The following TMEM184C variants were observed in gnomAD, a reference collection of about 807,000 sequenced individuals.
TMEM184C encodes transmembrane protein 34.
TMEM184C carries 25 observed loss-of-function variants against 54.5 expected under a neutral mutation model. The observed-to-expected ratio is 0.46, with a 90% confidence interval of 0.33 to 0.64. The LOEUF (loss-of-function observed/expected upper bound fraction) is 0.64. TMEM184C is among the 30% of genes least tolerant of loss of function. The probability of loss-of-function intolerance (pLI) is 0.02; values close to 1 mark genes in which losing one functional copy is unlikely to be tolerated. For synonymous variants in TMEM184C, 148 were observed against 181.5 expected (o/e 0.82, Z 1.49); for missense variants, 335 against 520.3 (o/e 0.64, Z 3.46).
At position 147,617,870 on chromosome 4, in the gene TMEM184C, T is replaced by G. The variant is rs1732627528; in HGVS notation, c.-87T>G. ...AGCTTTTTCTCCGTAGTATGCGAGTTGACAAAACAGCCAGAGAACAGGGCT... is the reference window on the plus strand; with the variant it reads ...AGCTTTTTCTCCGTAGTATGCGAGTGGACAAAACAGCCAGAGAACAGGGCT... On this transcript the variant is annotated 5_prime_UTR_variant, in exon 1 of 10. Transcript: ENST00000296582. 6.3e-7 allele frequency: 1 copy of G among 1,585,548 alleles called. No homozygotes were observed. Among genetic ancestry groups the G allele is most frequent in the African/African-American group, 1.3e-5 (1 of 74,246 alleles).
Position 147,635,561 on chromosome 4 carries a change from A to AGAT in TMEM184C, c.*1130_*1132dup, listed in dbSNP as rs1477912486. 1.3e-5 allele frequency: 2 copies of AGAT among 152,252 alleles called. No homozygotes were observed. Among genetic ancestry groups the AGAT allele is most frequent in the African/African-American group, 2.4e-5 (1 of 41,472 alleles). The allele number at this position is 152,252 out of a possible 1,614,324, so 9.4% of individuals were successfully genotyped here. ...TGCCATAGTATGTTACAGAAAGCAA[A>AGAT]GATGAGTATTGTTTCTCAAAGCCTT... On this transcript the variant is annotated 3_prime_UTR_variant, in exon 10 of 10. Transcript: ENST00000296582.
intron 2 of TMEM184C, 28 bp downstream of exon 2, chr4:147,623,992 A>G (rs761333630): frequency 6.2e-7 from 1 of 1,612,948 alleles, no homozygotes; most frequent in Non-Finnish European, 8.5e-7. Context: ...TGATTCCACT[A>G]CTGTTGTGTT....
In TMEM184C at chr4:147,635,636, G is replaced by T. The variant is rs188156530; in HGVS notation, c.*1202G>T. Reference sequence around the variant, plus strand: ...TCATTCATATCTATCTATATATATAGAGAGAGATAGTGGTTCACAGTAATC... The same window carrying T: ...TCATTCATATCTATCTATATATATATAGAGAGATAGTGGTTCACAGTAATC... On this transcript the variant is annotated 3_prime_UTR_variant, in exon 10 of 10. Transcript: ENST00000296582. 2.6e-5 allele frequency: 4 copies of T among 151,982 alleles called. No individual in the cohort carries two copies. The highest frequency in any genetic ancestry group is 4.4e-5 in the Non-Finnish European group (3 of 67,962). 9.4% of individuals were successfully genotyped at this position (151,982 alleles called of 1,614,324 possible). A position where few individuals can be genotyped will look rare whatever the true frequency, so the allele number is the denominator to read the frequency against.
rs1732783514 is a variant in TMEM184C at position 147,624,832 on chromosome 4, C to A, written c.320C>A (p.Ala107Glu). The change falls in exon 4 of 10, where the codon GCA (alanine) becomes GAA (glutamate). Residue 107 changes from alanine to glutamate, a missense_variant. Transcript: ENST00000296582. ...ATAGCTTTGAAATATCCCGGAATTG[C>A]AATATATGTGGATACCTGCAGAGAA... ...SWIALKYPGI[A>E]IYVDTCRECY... 1 of 1,613,684 alleles carries A rather than the reference C, an allele frequency of 6.2e-7. No homozygotes were observed.
intron 4 of TMEM184C, among the ~76,000 whole-genome samples, chr4:147,626,268 C>T (rs1404743027): frequency 6.6e-6 from 1 of 152,158 alleles, no homozygotes; most frequent in Non-Finnish European, 1.5e-5. Flanking sequence ...TGCTTTGGGG[C>T]AGGGCTATTT....
intron 7 of TMEM184C, among the ~76,000 whole-genome samples, chr4:147,631,743 TA>T (rs1343532515): frequency 2.0e-5 from 3 of 152,190 alleles, no homozygotes; most frequent in Non-Finnish European, 4.4e-5. Flanking sequence ...AATACTAGAA[TA>T]ATTATTAAAA....
At chr4:147,630,821 T>A (rs941008044) in intron 6 of TMEM184C, among the ~76,000 whole-genome samples, 2 of 152,090 alleles carry the variant, frequency 1.3e-5, no homozygotes, top group African/African-American at 4.8e-5. Flanking sequence ...TTCAGGAAAA[T>A]GTTTATTGTT....
chr4:147,628,480 A>T (rs1157235066), intron 5 of TMEM184C, 45 bp downstream of exon 5: 1 of 1,495,654 alleles, frequency 6.7e-7, no homozygotes, highest in Non-Finnish European at 9.3e-7. Context: ...CATCCTTGTG[A>T]TCTTATGTGG....
intron 5 of TMEM184C, among the ~76,000 whole-genome samples, chr4:147,628,912 C>T (rs1732861917): frequency 6.6e-6 from 1 of 152,068 alleles, no homozygotes; most frequent in East Asian, 1.9e-4. Flanking sequence ...AAACTATTCC[C>T]TAAAAATTCA....
chr4:147,635,467 T>TTCTC lies in TMEM184C; in HGVS notation c.*1035_*1038dup, dbSNP rs1733006470. 2 of 152,186 alleles carry TTCTC rather than the reference T, an allele frequency of 1.3e-5. No homozygotes were observed. Among genetic ancestry groups the TTCTC allele is most frequent in the Admixed American group, 1.3e-4 (2 of 15,284 alleles). The allele number at this position is 152,186 out of a possible 1,614,324, so 9.4% of individuals were successfully genotyped here. A position where few individuals can be genotyped will look rare whatever the true frequency, so the allele number is the denominator to read the frequency against. ...AACTTTTTATTACCTAGGATGGGGT[T>TTCTC]TCTCTAATTGCTAATCACAACCCCA... On this transcript the variant is annotated 3_prime_UTR_variant, in exon 10 of 10. Coordinates refer to ENST00000296582, the MANE Select transcript of TMEM184C (RefSeq NM_018241.3).
chr4:147,625,625 G>C (rs1246109493), intron 4 of TMEM184C, among the ~76,000 whole-genome samples: 1 of 152,196 alleles, frequency 6.6e-6, no homozygotes, highest in Non-Finnish European at 1.5e-5. Flanking sequence ...GAAGATTCCA[G>C]AGATGGAGAA....
At chr4:147,624,138 GT>G in intron 3 of TMEM184C, 40 bp downstream of exon 3, 1 of 1,507,152 alleles carries the variant, frequency 6.6e-7, no homozygotes, top group Non-Finnish European at 9.1e-7. Context: ...CTAAGGACTT[GT>G]TTGATGATAC....
At chr4:147,620,113 TTCCTTTATG>T (rs1732681421) in intron 1 of TMEM184C, among the ~76,000 whole-genome samples, 1 of 152,226 alleles carries the variant, frequency 6.6e-6, no homozygotes, top group African/African-American at 2.4e-5. Flanking sequence ...ATTATTCTCA[TTCCTTTATG>T]TTCTTCAGGT....
chr4:147,629,609 C>CAA lies in TMEM184C; in HGVS notation c.583_584insAA (p.Leu195GlnfsTer22). 1 of 1,590,954 alleles carries CAA rather than the reference C, an allele frequency of 6.3e-7. No homozygotes were observed. Among genetic ancestry groups the CAA allele is most frequent in the Non-Finnish European group, 8.5e-7 (1 of 1,170,934 alleles). Reference sequence around the variant, plus strand: ...TTTTACTATTTTTAGAATCTGTGAGCTGCTTGGTATATATGACGAAGGGAA... The same window carrying CAA: ...TTTTACTATTTTTAGAATCTGTGAGCAATGCTTGGTATATATGACGAAGGGAA... On this transcript the variant is annotated frameshift_variant, in exon 6 of 10. Transcript: ENST00000296582. LOFTEE classifies it high-confidence loss of function.
intron 1 of TMEM184C, 76 bp from the exon 2 acceptor site, chr4:147,623,758 A>G (rs1353547839): frequency 1.4e-6 from 2 of 1,442,858 alleles, no homozygotes; most frequent in South Asian, 2.4e-5. Context: ...GATTATAGGC[A>G]CAAGGCACTG....
intron 9 of TMEM184C, 67 bp downstream of exon 9, chr4:147,634,003 AATTT>A: frequency 6.5e-7 from 1 of 1,549,960 alleles, no homozygotes; most frequent in Non-Finnish European, 8.7e-7. Flanking sequence ...CTACTAGGGC[AATTT>A]ATTATCTATT....
At chr4:147,619,117 C>T (rs1384820726) in intron 1 of TMEM184C, among the ~76,000 whole-genome samples, 1 of 152,286 alleles carries the variant, frequency 6.6e-6, no homozygotes, top group East Asian at 1.9e-4. Context: ...GATCTGTCCT[C>T]GGCCTCCCAG....
rs1031956884 is a variant in TMEM184C at position 147,617,657 on chromosome 4, T to A, written c.-300T>A. The stretch of plus-strand genomic sequence containing the variant: ...GGCAGAGCTCAGGGCGATCCCCAGG[T>A]GAGGGCAGCGGCTCTGCCTGGGATT... On this transcript the variant is annotated 5_prime_UTR_variant, in exon 1 of 10. An upstream open reading frame in the 5' UTR loses its in-frame stop. Coordinates refer to ENST00000296582, the MANE Select transcript of TMEM184C (RefSeq NM_018241.3). 3 of 360,000 alleles carry A rather than the reference T, an allele frequency of 8.3e-6. No homozygotes were observed. Among genetic ancestry groups the A allele is most frequent in the African/African-American group, 6.3e-5 (3 of 47,616 alleles). 22.3% of individuals were successfully genotyped at this position (360,000 alleles called of 1,614,324 possible). A position where few individuals can be genotyped will look rare whatever the true frequency, so the allele number is the denominator to read the frequency against.
At chr4:147,622,816 C>T (rs952696576) in intron 1 of TMEM184C, among the ~76,000 whole-genome samples, 6 of 152,066 alleles carry the variant, frequency 3.9e-5, no homozygotes, top group African/African-American at 1.4e-4. Flanking sequence ...GGGTGGAGTA[C>T]GGTGGCACAA....
Sources: allele counts gnomAD v4.1 joint callset (sites outside exome capture counted in the v4.1 genomes callset), GRCh38; gene constraint gnomAD v4.1.1; transcripts MANE v1.5; gene names NCBI Gene and HGNC (gene_info 2026-07-23, HGNC 2026-07-21).